PAX7: variants seen among roughly 807,000 people sequenced by gnomAD.
PAX7 encodes the protein paired box protein Pax-7.
Under a neutral mutation model 50.7 loss-of-function variants are expected in PAX7, and 18 were observed. The observed-to-expected ratio is 0.36, with a 90% confidence interval of 0.25 to 0.53. The LOEUF (loss-of-function observed/expected upper bound fraction) is 0.53. Ranked by LOEUF, PAX7 falls within the 20% of genes least tolerant of loss-of-function variation. The pLI, the probability that PAX7 is intolerant of heterozygous loss-of-function variation, is 0.93. For synonymous variants in PAX7, 310 were observed against 290.4 expected (o/e 1.07, Z -0.69); for missense variants, 644 against 702.9 (o/e 0.92, Z 0.95).
Position 18,636,455 on chromosome 1 carries a change from C to T in PAX7, c.586+84C>T, listed in dbSNP as rs2088158781. 3 of 1,478,162 alleles carry T rather than the reference C, an allele frequency of 2.0e-6. No individual in the cohort carries two copies. The highest frequency in any genetic ancestry group is 1.4e-5 in the African/African-American group (1 of 70,884). The allele number at this position is 1,478,162 out of a possible 1,614,324, so 91.6% of individuals were successfully genotyped here. On this transcript the variant is annotated intron_variant, in intron 4 of 8. Coordinates refer to ENST00000420770, the MANE Select transcript of PAX7 (RefSeq NM_001135254.2). The surrounding 1 kb of genome is among the most constrained non-coding windows in gnomAD (Gnocchi z 5.1). ...CGGGCCAGTGGTTCGCTCCCGCCGC[C>T]GGAGCAGGCGACCAGAACTCCAGCG...
intron 7 of PAX7, among the ~76,000 whole-genome samples, chr1:18,712,869 G>A (rs955842145): frequency 6.6e-6 from 1 of 152,024 alleles, no homozygotes. Flanking sequence ...ATCGCTTGAG[G>A]TCAGGAGACT....
chr1:18,699,920 A>G (rs901539051), intron 5 of PAX7, among the ~76,000 whole-genome samples: 1 of 152,152 alleles, frequency 6.6e-6, no homozygotes, highest in African/African-American at 2.4e-5. Context: ...GACTTGGGCA[A>G]GCAACTTGAC....
intron 4 of PAX7, among the ~76,000 whole-genome samples, chr1:18,679,783 G>A (rs1169567511): frequency 6.6e-6 from 1 of 152,206 alleles, no homozygotes; most frequent in East Asian, 1.9e-4. Flanking sequence ...ACAAAGGCAT[G>A]TTCATTCATT....
chr1:18,654,574 G>GAACT (rs1171799251), intron 4 of PAX7, among the ~76,000 whole-genome samples: 2 of 152,330 alleles, frequency 1.3e-5, no homozygotes, highest in East Asian at 3.9e-4. Context: ...TGCCATCTGA[G>GAACT]AACTATCTAG....
chr1:18,741,190 T>C (rs773214028), intron 8 of PAX7, among the ~76,000 whole-genome samples: 5 of 152,224 alleles, frequency 3.3e-5, no homozygotes, highest in Non-Finnish European at 7.3e-5. Flanking sequence ...GGCTCACACC[T>C]GTCATCCCAG....
chr1:18,639,600 A>G (rs2088218344), intron 4 of PAX7, among the ~76,000 whole-genome samples: 1 of 152,056 alleles, frequency 6.6e-6, no homozygotes, highest in Non-Finnish European at 1.5e-5. Flanking sequence ...CAGGCCGGGG[A>G]CCCAACAGGG....
intron 4 of PAX7, among the ~76,000 whole-genome samples, chr1:18,685,296 G>C (rs940841712): frequency 6.6e-6 from 1 of 152,182 alleles, no homozygotes. Context: ...GCAAGTTCGG[G>C]GGGTGACTGC....
chr1:18,661,644 G>A (rs371325398), intron 4 of PAX7, among the ~76,000 whole-genome samples: 10 of 152,352 alleles, frequency 6.6e-5, no homozygotes, highest in Non-Finnish European at 8.8e-5. Context: ...ACAAAGCCAC[G>A]TGTGGTGCCT....
intron 4 of PAX7, among the ~76,000 whole-genome samples, chr1:18,641,437 G>C (rs973605169): frequency 6.6e-6 from 1 of 152,186 alleles, no homozygotes; most frequent in African/African-American, 2.4e-5. Context: ...CGCAAGAAAA[G>C]AGGCTCGGTT....
intron 4 of PAX7, among the ~76,000 whole-genome samples, chr1:18,687,305 G>A (rs950261802): frequency 6.6e-6 from 1 of 152,100 alleles, no homozygotes; most frequent in African/African-American, 2.4e-5. Context: ...GAAGGGGAGC[G>A]ACTTGTCCAA....
intron 7 of PAX7, among the ~76,000 whole-genome samples, chr1:18,717,888 AG>A: frequency 6.6e-6 from 1 of 152,172 alleles, no homozygotes; most frequent in Non-Finnish European, 1.5e-5. Flanking sequence ...TCCAGAGAGG[AG>A]GGAGGCCTAG....
intron 4 of PAX7, among the ~76,000 whole-genome samples, chr1:18,664,721 T>G (rs1019363092): frequency 6.6e-5 from 10 of 151,450 alleles, no homozygotes; most frequent in African/African-American, 2.4e-4. Flanking sequence ...TCTAGTCCTA[T>G]CCCCCCATTT....
At chr1:18,719,518 G>A (rs1318568578) in intron 7 of PAX7, among the ~76,000 whole-genome samples, 1 of 152,208 alleles carries the variant, frequency 6.6e-6, no homozygotes, top group Non-Finnish European at 1.5e-5. Context: ...CCAGACCAGG[G>A]GTCTCTGACC....
intron 4 of PAX7, among the ~76,000 whole-genome samples, chr1:18,690,062 A>G (rs1011000890): frequency 3.9e-5 from 6 of 152,196 alleles, no homozygotes; most frequent in African/African-American, 1.4e-4. Flanking sequence ...TGCGAGCACA[A>G]GGTCTCCCAA....
chr1:18,711,807 G>A (rs1429451808), intron 7 of PAX7, among the ~76,000 whole-genome samples: 1 of 152,144 alleles, frequency 6.6e-6, no homozygotes, highest in Non-Finnish European at 1.5e-5. Context: ...AGAGTCAGGG[G>A]TCAGTTTGTG....
chr1:18,631,194 A>C lies in PAX7; in HGVS notation c.-410A>C, dbSNP rs1019255485. ...AGAGCGCGAGAGCGCGGCGCTCGCC[A>C]CTCTGAGGCTGGCGGCCTCGATTCC... On this transcript the variant is annotated 5_prime_UTR_variant, in exon 1 of 9. Transcript: ENST00000420770. 3 of 241,818 alleles carry C rather than the reference A, an allele frequency of 1.2e-5. No individual in the cohort carries two copies. Among genetic ancestry groups the C allele is most frequent in the Non-Finnish European group, 2.4e-5 (3 of 124,106 alleles). The allele number at this position is 241,818 out of a possible 1,614,324, so 15.0% of individuals were successfully genotyped here.
At position 18,636,406 on chromosome 1, in the gene PAX7, C is replaced by T. The variant is rs1215328959; in HGVS notation, c.586+35C>T. 1.2e-5 allele frequency: 19 copies of T among 1,603,920 alleles called. No individual in the cohort carries two copies. Among genetic ancestry groups the T allele is most frequent in the Non-Finnish European group, 1.6e-5 (19 of 1,173,604 alleles). Reference sequence around the variant, plus strand: ...TTCCCTGGGCTGCGAGGCCCCAGCCCGGGTTTTCCCACGCTCCGGTGTGCG... The same window carrying T: ...TTCCCTGGGCTGCGAGGCCCCAGCCTGGGTTTTCCCACGCTCCGGTGTGCG... On this transcript the variant is annotated intron_variant, in intron 4 of 8. Transcript: ENST00000420770. The surrounding 1 kb of genome is among the most constrained non-coding windows in gnomAD (Gnocchi z 5.1).
chr1:18,725,300 ACGC>A (rs1557553250), intron 7 of PAX7, among the ~76,000 whole-genome samples: 4 of 46,640 alleles, frequency 8.6e-5, no homozygotes, highest in Non-Finnish European at 1.2e-4. Flanking sequence ...AGAGGTGGAG[ACGC>A]CCCCCCCCCG....
At chr1:18,677,721 G>A (rs1433242572) in intron 4 of PAX7, among the ~76,000 whole-genome samples, 1 of 152,180 alleles carries the variant, frequency 6.6e-6, no homozygotes, top group Non-Finnish European at 1.5e-5. Flanking sequence ...TCTCCTTGCT[G>A]TGTGTGTAAT....
Sources: allele counts gnomAD v4.1 joint callset (sites outside exome capture counted in the v4.1 genomes callset), GRCh38; gene constraint gnomAD v4.1.1; non-coding constraint Gnocchi (gnomAD v3.1); transcripts MANE v1.5; gene names NCBI Gene and HGNC (gene_info 2026-07-23, HGNC 2026-07-21).